TMEM266: variants seen among roughly 807,000 people sequenced by gnomAD.
TMEM266 encodes Hv1 related protein 1.
TMEM266 carries 33 observed loss-of-function variants against 50.5 expected under a neutral mutation model. The ratio of observed to expected loss-of-function variants is 0.65; its 90% CI spans 0.50 to 0.87. The LOEUF is 0.87. Among genes scored for constraint, TMEM266 ranks in the 40% least tolerant of loss-of-function variants. The probability of loss-of-function intolerance (pLI) is 0.00; values close to 1 mark genes in which losing one functional copy is unlikely to be tolerated. For missense variants in TMEM266, 655 were observed against 695.1 expected, an observed-to-expected ratio of 0.94 and a Z score of 0.65; for synonymous variants, 310 against 292.3, an observed-to-expected ratio of 1.06 and a Z score of -0.62.
chr15:76,141,540 C>T (rs942338035), intron 3 of TMEM266, among the ~76,000 whole-genome samples: 1 of 152,078 alleles, frequency 6.6e-6, no homozygotes, highest in Non-Finnish European at 1.5e-5. Context: ...TGCCTAGCCT[C>T]AGTGTACTTT....
intron 3 of TMEM266, among the ~76,000 whole-genome samples, chr15:76,155,610 G>A (rs909647766): frequency 6.6e-6 from 1 of 152,030 alleles, no homozygotes; most frequent in Non-Finnish European, 1.5e-5. Flanking sequence ...TAATCTCTTT[G>A]GGACCATGAT....
chr15:76,067,931 C>A (rs373502822), intron 1 of TMEM266, among the ~76,000 whole-genome samples: 1 of 152,154 alleles, frequency 6.6e-6, no homozygotes, highest in East Asian at 1.9e-4. Flanking sequence ...CAGCTCTCCC[C>A]ACCAGAGCCT....
chr15:76,108,290 G>A lies in TMEM266; in HGVS notation c.-96-25878G>A, dbSNP rs148461267. On this transcript the variant is annotated intron_variant, in intron 1 of 10. Transcript: ENST00000388942. ...GGAGCCTGGTTGCTGAGGCACCCTC[G>A]GGTTTGCTCAGTGCCCAGCCAGTCA... is the stretch of plus-strand genomic sequence containing the variant. 7.9e-5 allele frequency among the ~76,000 whole-genome samples: 12 copies of A among 152,312 alleles called. No individual in the cohort carries two copies. In the East Asian group the frequency reaches 1.9e-3, roughly 24 times the overall value.
chr15:76,145,445 C>T (rs555843000), intron 3 of TMEM266, among the ~76,000 whole-genome samples: 1 of 152,306 alleles, frequency 6.6e-6, no homozygotes, highest in South Asian at 2.1e-4. Context: ...GAGTGGCTGC[C>T]CATCACTGTC....
intron 1 of TMEM266, among the ~76,000 whole-genome samples, chr15:76,103,765 A>G (rs915707873): frequency 1.2e-4 from 17 of 147,360 alleles, no homozygotes; most frequent in African/African-American, 3.6e-4. Context: ...TACAAAAATT[A>G]GCTGGGCATG....
At chr15:76,097,930 C>T (rs144296797) in intron 1 of TMEM266, among the ~76,000 whole-genome samples, 2 of 151,972 alleles carry the variant, frequency 1.3e-5, no homozygotes, top group South Asian at 2.1e-4. Flanking sequence ...ATGAAGTTCT[C>T]GTGGTATATT....
chr15:76,173,607 G>C (rs781339653), intron 7 of TMEM266, among the ~76,000 whole-genome samples: 29 of 152,282 alleles, frequency 1.9e-4, no homozygotes, highest in South Asian at 1.0e-3. Context: ...CAGAATAACA[G>C]TGTCTTAACA....
Position 76,175,623 on chromosome 15 carries a change from C to A in TMEM266, c.717C>A (p.Val239=). Residue 239 remains valine (V), a synonymous_variant, in exon 8 of 11, where the codon GTC becomes GTA. Transcript: ENST00000388942. The stretch of plus-strand genomic sequence containing the variant: ...TCCAGCAGTACGAGAAGGCCAAGGT[C>A]ATCCAAGACGAGCAGCTGGAGAGGC... 1 of 1,614,190 alleles carries A rather than the reference C, an allele frequency of 6.2e-7. No homozygotes were observed. The highest frequency in any genetic ancestry group is 1.1e-5 in the South Asian group (1 of 91,064).
chr15:76,186,081 G>A lies in TMEM266; in HGVS notation c.769-5887G>A, dbSNP rs138671393. Among the ~76,000 whole-genome samples, 340 of 152,254 alleles carry A rather than the reference G, an allele frequency of 2.2e-3. 1 individual carries two copies. Among genetic ancestry groups the A allele is most frequent in the African/African-American group, 7.9e-3 (329 of 41,536 alleles). On this transcript the variant is annotated intron_variant, in intron 8 of 10. Transcript: ENST00000388942. ...GCTGCCCTGGATTCTGTTGGGCTGA[G>A]TCACTTCCATCTTGCTTATAAGGCT...
chr15:76,172,521 A>G (rs1010396810), intron 7 of TMEM266, among the ~76,000 whole-genome samples: 3 of 152,192 alleles, frequency 2.0e-5, no homozygotes, highest in Non-Finnish European at 2.9e-5. Flanking sequence ...GCCTCACCCT[A>G]TGTTCCACCC....
chr15:76,152,764 C>G (rs2037864471), intron 3 of TMEM266, among the ~76,000 whole-genome samples: 1 of 152,208 alleles, frequency 6.6e-6, no homozygotes, highest in Admixed American at 6.5e-5. Flanking sequence ...GTCCTAATCC[C>G]TCCACCAGCT....
intron 1 of TMEM266, among the ~76,000 whole-genome samples, chr15:76,073,914 A>G (rs1318018309): frequency 6.6e-6 from 1 of 152,156 alleles, no homozygotes; most frequent in East Asian, 1.9e-4. Context: ...TGTGGAGATG[A>G]GGCCGTTGAA....
In TMEM266 at chr15:76,137,433, GA is replaced by G. The variant is rs563934818; in HGVS notation, c.39-272del. On this transcript the variant is annotated intron_variant, in intron 2 of 10. Coordinates refer to ENST00000388942, the MANE Select transcript of TMEM266 (RefSeq NM_152335.3). ...ATCTGGGTCTTTACCTCCCCTTCAT[GA>G]AGGACTCTGCCCCACTAAAGCTCAT... is the stretch of plus-strand genomic sequence containing the variant. Among the ~76,000 whole-genome samples, 180 of 152,252 alleles carry G rather than the reference GA, an allele frequency of 1.2e-3. 1 individual carries two copies. The highest frequency in any genetic ancestry group is 4.1e-3 in the African/African-American group (171 of 41,554).
intron 1 of TMEM266, among the ~76,000 whole-genome samples, chr15:76,127,668 T>A (rs1031413783): frequency 6.6e-6 from 1 of 152,134 alleles, no homozygotes; most frequent in Non-Finnish European, 1.5e-5. Flanking sequence ...ATACTGTTGT[T>A]TGCAAACAAA....
chr15:76,088,504 GAAAAT>G (rs1185975634), intron 1 of TMEM266, among the ~76,000 whole-genome samples: 1 of 152,038 alleles, frequency 6.6e-6, no homozygotes, highest in East Asian at 1.9e-4. Context: ...AAGAAAAAAA[GAAAAT>G]AAAGTGGTTG....
At chr15:76,083,491 T>C (rs2036726745) in intron 1 of TMEM266, among the ~76,000 whole-genome samples, 1 of 152,152 alleles carries the variant, frequency 6.6e-6, no homozygotes, top group Non-Finnish European at 1.5e-5. Context: ...CAGTCCCATA[T>C]TCCCTTCTAC....
Position 76,134,199 on chromosome 15 carries a change from C to T in TMEM266, c.-65C>T. ...ATATTTGTATGTGTCTTGTAGAACC[C>T]ACGCTTGGAAATGCTGACAGCAGGC... On this transcript the variant is annotated 5_prime_UTR_variant, in exon 2 of 11. Coordinates refer to ENST00000388942, the MANE Select transcript of TMEM266 (RefSeq NM_152335.3). 6.4e-7 allele frequency: 1 copy of T among 1,561,828 alleles called. No homozygotes were observed. The highest frequency in any genetic ancestry group is 8.8e-7 in the Non-Finnish European group (1 of 1,134,510).
At chr15:76,111,614 G>A (rs897295270) in intron 1 of TMEM266, among the ~76,000 whole-genome samples, 1 of 151,414 alleles carries the variant, frequency 6.6e-6, no homozygotes, top group East Asian at 2.0e-4. Flanking sequence ...CCCCATGTTG[G>A]GCAGGCTGGT....
intron 9 of TMEM266, among the ~76,000 whole-genome samples, chr15:76,198,286 C>G (rs1002498846): frequency 6.6e-6 from 1 of 152,236 alleles, no homozygotes; most frequent in African/African-American, 2.4e-5. Context: ...TGTGCCCATT[C>G]TTTCCTGCCC....
Sources: allele counts gnomAD v4.1 joint callset (sites outside exome capture counted in the v4.1 genomes callset), GRCh38; gene constraint gnomAD v4.1.1; transcripts MANE v1.5; gene names NCBI Gene and HGNC (gene_info 2026-07-23, HGNC 2026-07-21).